The following ABCB1 variants were observed in gnomAD, a reference collection of about 807,000 sequenced individuals.
ABCB1 encodes the protein ATP-dependent translocase ABCB1.
Under a neutral mutation model 142.0 loss-of-function variants are expected in ABCB1, and 69 were observed. The observed-to-expected ratio is 0.49, with a 90% CI of 0.40 to 0.59. The LOEUF (loss-of-function observed/expected upper bound fraction) is 0.59, where lower values mean the gene tolerates loss of function less well. Ranked by LOEUF, ABCB1 falls within the 20% of genes least tolerant of loss-of-function variation. ABCB1 has a pLI of 0.00. For synonymous variants in ABCB1, 532 were observed against 539.2 expected (o/e 0.99, Z 0.18); for missense variants, 1,326 against 1,554.7 (o/e 0.85, Z 2.47).
chr7:87,521,090 G>T, intron 21 of ABCB1: 1 of 541,656 alleles, frequency 1.8e-6, no homozygotes, highest in Non-Finnish European at 3.3e-6. Flanking sequence ...CTCCTTTGCA[G>T]AAATAGAAGC....
chr7:87,617,191 CT>C (rs763814051), intron 1 of ABCB1, among the ~76,000 whole-genome samples: 13 of 152,196 alleles, frequency 8.5e-5, no homozygotes, highest in Non-Finnish European at 1.6e-4. Context: ...CTAAATTTCA[CT>C]TAAGGGAAGA....
At chr7:87,561,522 T>C in intron 7 of ABCB1, 135 bp from the exon 8 acceptor site, 1 of 894,736 alleles carries the variant, frequency 1.1e-6, no homozygotes. Context: ...TTTACTTGCC[T>C]TTGGTCTGTA....
At chr7:87,645,972 A>G (rs1293674173) in intron 1 of ABCB1, among the ~76,000 whole-genome samples, 1 of 152,236 alleles carries the variant, frequency 6.6e-6, no homozygotes, top group East Asian at 1.9e-4. Flanking sequence ...TGACTTTGAT[A>G]TAATAGAAAT....
intron 9 of ABCB1, among the ~76,000 whole-genome samples, chr7:87,553,068 T>A (rs2129727616): frequency 6.6e-6 from 1 of 152,328 alleles, no homozygotes; most frequent in South Asian, 2.1e-4. Context: ...TAGCTGCCAT[T>A]CGAAATAATT....
At chr7:87,533,111 C>A (rs1388399806) in intron 20 of ABCB1, among the ~76,000 whole-genome samples, 1 of 151,986 alleles carries the variant, frequency 6.6e-6, no homozygotes, top group East Asian at 1.9e-4. Flanking sequence ...GATGATTTGC[C>A]AAATTTGGGA....
chr7:87,576,962 G>A (rs1163325337), intron 4 of ABCB1, among the ~76,000 whole-genome samples: 3 of 151,874 alleles, frequency 2.0e-5, no homozygotes, highest in Admixed American at 6.6e-5. Flanking sequence ...ATAAATTGTT[G>A]TTGACTGTAG....
chr7:87,575,054 A>G (rs916184316), intron 4 of ABCB1, among the ~76,000 whole-genome samples: 1 of 152,224 alleles, frequency 6.6e-6, no homozygotes, highest in Non-Finnish European at 1.5e-5. Context: ...AGTGTCTCAC[A>G]TATTTTAAGA....
upstream of ABCB1, among the ~76,000 whole-genome samples, chr7:87,605,241 C>A (rs146431052): frequency 4.5e-3 from 678 of 152,310 alleles, 5 homozygotes; most frequent in African/African-American, 0.016. Flanking sequence ...TCCAGCAATT[C>A]TCATGCCTCA....
chr7:87,581,774 G>A (rs777125052), intron 4 of ABCB1, among the ~76,000 whole-genome samples: 1 of 152,162 alleles, frequency 6.6e-6, no homozygotes, highest in Non-Finnish European at 1.5e-5. Flanking sequence ...AGGCTTTCAA[G>A]AGCCTCCGCA....
chr7:87,606,012 G>A (rs896373945), intron 1 of ABCB1, among the ~76,000 whole-genome samples: 3 of 151,812 alleles, frequency 2.0e-5, no homozygotes, highest in Non-Finnish European at 4.4e-5. Context: ...ACAAAATTAT[G>A]AAGAAAATTG....
intron 7 of ABCB1, among the ~76,000 whole-genome samples, chr7:87,563,802 G>A (rs936014117): frequency 7.9e-5 from 12 of 152,090 alleles, no homozygotes; most frequent in African/African-American, 2.9e-4. Context: ...AAAAAAATGT[G>A]GTACATAGAC....
At chr7:87,671,859 T>TC (rs1192548312) in intron 1 of ABCB1, among the ~76,000 whole-genome samples, 1 of 152,118 alleles carries the variant, frequency 6.6e-6, no homozygotes, top group African/African-American at 2.4e-5. Flanking sequence ...TGCCTGCCAC[T>TC]CCCCCTGGGA....
intron 1 of ABCB1, among the ~76,000 whole-genome samples, chr7:87,643,819 G>A (rs1028897922): frequency 1.3e-5 from 2 of 151,874 alleles, no homozygotes; most frequent in South Asian, 2.1e-4. Context: ...GAGCCACCAC[G>A]CCCGGCCAAG....
At chr7:87,520,261 C>G (rs1310660052) in intron 22 of ABCB1, among the ~76,000 whole-genome samples, 3 of 152,088 alleles carry the variant, frequency 2.0e-5, no homozygotes, top group Non-Finnish European at 4.4e-5. Context: ...TAAAGTCCAG[C>G]TTTCCTTTTA....
At chr7:87,568,277 C>T (rs1255984149) in intron 5 of ABCB1, among the ~76,000 whole-genome samples, 3 of 41,158 alleles carry the variant, frequency 7.3e-5, no homozygotes, top group African/African-American at 1.6e-4. Flanking sequence ...AAAAATTAGC[C>T]GGGTGTGGTG....
intron 21 of ABCB1, among the ~76,000 whole-genome samples, chr7:87,530,834 A>AAAGC (rs775403655): frequency 4.0e-5 from 3 of 74,820 alleles, no homozygotes; most frequent in African/African-American, 1.3e-4. Context: ...AGAAAGCAAG[A>AAAGC]AAGCAAGAAA....
Position 87,534,917 on chromosome 7 carries a change from T to TAAAAAAA in ABCB1, c.2481+1534_2481+1540dup, listed in dbSNP as rs139364527. Among the ~76,000 whole-genome samples the TAAAAAAA allele has an allele frequency of 1.4e-3, 133 of 91,776 alleles. 1 individual carries two copies. Among genetic ancestry groups the TAAAAAAA allele is most frequent in the Middle Eastern group, 7.0e-3 (1 of 142 alleles). 60.2% of individuals were successfully genotyped at this position (91,776 alleles called of 152,430 possible). A position where few individuals can be genotyped will look rare whatever the true frequency, so the allele number is the denominator to read the frequency against. ...GCTACAAAGAGAGACCCTGTCTCTT[T>TAAAAAAA]AAAAAAAAAAAAAAAAAAAAAAACT... On this transcript the variant is annotated intron_variant, in intron 20 of 27. Transcript: ENST00000622132.
At chr7:87,539,434 A>G in intron 18 of ABCB1, 89 bp from the exon 19 acceptor site, 2 of 1,264,034 alleles carry the variant, frequency 1.6e-6, no homozygotes, top group Admixed American at 1.9e-5. Flanking sequence ...GCAGGAGATC[A>G]GACAAAGTCA....
Position 87,611,954 on chromosome 7 carries a change from C to T in ABCB1, c.-330-10876G>A, listed in dbSNP as rs183533897. ...ATATAGAGATAAATTTAATTATTGA[C>T]CTTAAAGGAGCTTCTAATACACTTG... On this transcript the variant is annotated intron_variant, in intron 1 of 28. Transcript: ENST00000265724. Among the ~76,000 whole-genome samples, 11 of 152,028 alleles carry T rather than the reference C, an allele frequency of 7.2e-5. No homozygotes were observed. In the East Asian group the frequency reaches 2.1e-3, roughly 29 times the overall value.
Sources: allele counts gnomAD v4.1 joint callset (sites outside exome capture counted in the v4.1 genomes callset), GRCh38; gene constraint gnomAD v4.1.1; transcripts MANE v1.5; gene names NCBI Gene and HGNC (gene_info 2026-07-23, HGNC 2026-07-21).